CCDC144A: variants seen among roughly 807,000 people sequenced by gnomAD.
The protein encoded by CCDC144A is coiled-coil domain-containing protein 144A.
Under a neutral mutation model 143.8 loss-of-function variants are expected in CCDC144A, and 41 were observed. That is an observed-to-expected ratio of 0.29 (90% CI 0.22 to 0.37). CCDC144A has a LOEUF of 0.37. CCDC144A is among the 10% of genes least tolerant of loss of function. The pLI is 1.00. For missense variants in CCDC144A, 637 were observed against 1,488.8 expected (o/e 0.43, Z 9.41); for synonymous variants, 242 against 517.9 (o/e 0.47, Z 7.23).
At position 16,690,378 on chromosome 17, in the gene CCDC144A, GC is replaced by G; in HGVS notation, c.-21del. 1 of 1,490,600 alleles carries G rather than the reference GC, an allele frequency of 6.7e-7. No homozygotes were observed. The highest frequency in any genetic ancestry group is 2.3e-5 in the East Asian group (1 of 43,094). 92.3% of individuals were successfully genotyped at this position (1,490,600 alleles called of 1,614,324 possible). On this transcript the variant is annotated 5_prime_UTR_variant, in exon 1 of 17. Coordinates refer to ENST00000399273, the MANE Select transcript of CCDC144A (RefSeq NM_001382000.1). Reference sequence around the variant, plus strand: ...CGGGCTATCCTGCTGGGAGGTTGTGGCCGAGGCAGTAGCTCGCTACTGATGG... The same window carrying G: ...CGGGCTATCCTGCTGGGAGGTTGTGGCGAGGCAGTAGCTCGCTACTGATGG...
intron 4 of CCDC144A, among the ~76,000 whole-genome samples, chr17:16,708,185 A>T (rs1229472839): frequency 1.3e-5 from 2 of 152,222 alleles, no homozygotes; most frequent in Non-Finnish European, 2.9e-5. Context: ...AGGGGACCAT[A>T]GTATATATTA....
chr17:16,753,953 T>A (rs1195037925), intron 12 of CCDC144A, among the ~76,000 whole-genome samples: 1 of 152,266 alleles, frequency 6.6e-6, no homozygotes, highest in Non-Finnish European at 1.5e-5. Context: ...CAGAGTAACT[T>A]ACCCAGTTTT....
intron 6 of CCDC144A, among the ~76,000 whole-genome samples, chr17:16,719,068 G>C (rs1239747113): frequency 6.6e-6 from 1 of 150,942 alleles, no homozygotes; most frequent in African/African-American, 2.5e-5. Context: ...CTGACCTCGT[G>C]ATCCATCCAC....
chr17:16,757,716 A>C (rs1316970459), intron 12 of CCDC144A, among the ~76,000 whole-genome samples: 5 of 152,248 alleles, frequency 3.3e-5, no homozygotes, highest in Admixed American at 2.6e-4. Context: ...TATGCACAGC[A>C]CTGCCCCTGA....
In CCDC144A at chr17:16,724,787, ATTTTTTTTTTTTTTTTTTTT is replaced by A. The variant is rs760344292; in HGVS notation, c.1892-2723_1892-2704del. Among the ~76,000 whole-genome samples the A allele has an allele frequency of 3.2e-3, 114 of 35,114 alleles. 1 individual carries two copies. Among genetic ancestry groups the A allele is most frequent in the Admixed American group, 4.8e-3 (10 of 2,094 alleles). 23.0% of individuals were successfully genotyped at this position (35,114 alleles called of 152,430 possible). A position where few individuals can be genotyped will look rare whatever the true frequency, so the allele number is the denominator to read the frequency against. ...AGATTACACGTTCTTGATTAACTGA[ATTTTTTTTTTTTTTTTTTTT>A]TTTTTTTTTTTTTTTTGGTATTTTT... On this transcript the variant is annotated intron_variant, in intron 8 of 16. Transcript: ENST00000399273.
intron 3 of CCDC144A, chr17:16,706,006 C>A (rs1443548816): frequency 1.3e-5 from 2 of 153,382 alleles, no homozygotes; most frequent in African/African-American, 2.4e-5. Flanking sequence ...TCGCTGGAAC[C>A]CAGAAGGTGG....
At chr17:16,683,885 G>T in the CCDC144A span, 4 of 1,345,652 alleles carry the variant, frequency 3.0e-6, no homozygotes, top group East Asian at 9.2e-5. Flanking sequence ...CGTCGTCTAC[G>T]CTGATGGCTG....
upstream of CCDC144A, among the ~76,000 whole-genome samples, chr17:16,684,896 A>G (rs1910726468): frequency 1.3e-5 from 2 of 152,286 alleles, no homozygotes; most frequent in East Asian, 3.9e-4. Context: ...GGGGAGGTCG[A>G]GGTTGCAGTG....
chr17:16,736,131 A>G (rs1173161584), intron 12 of CCDC144A, among the ~76,000 whole-genome samples: 1 of 151,308 alleles, frequency 6.6e-6, no homozygotes, highest in Non-Finnish European at 1.5e-5. Context: ...AATGTATTTA[A>G]GTTGGTATAA....
intron 5 of CCDC144A, chr17:16,710,418 C>T (rs1912341897): frequency 1.3e-5 from 2 of 152,062 alleles, no homozygotes; most frequent in Non-Finnish European, 2.9e-5. Context: ...CTGAGAGCTG[C>T]AGCAAATATT....
intron 8 of CCDC144A, among the ~76,000 whole-genome samples, chr17:16,722,323 G>C (rs952309278): frequency 6.6e-6 from 1 of 152,100 alleles, no homozygotes; most frequent in African/African-American, 2.4e-5. Context: ...CATTGGATTT[G>C]ATTTGCCAAA....
At chr17:16,690,810 C>G (rs1440200949) in intron 1 of CCDC144A, 66 bp downstream of exon 1, 1 of 1,504,764 alleles carries the variant, frequency 6.6e-7, no homozygotes, top group African/African-American at 1.4e-5. Context: ...CCGCAGGCCC[C>G]ACGGCACCCG....
At chr17:16,688,399 A>G (rs1175311746), upstream of CCDC144A, among the ~76,000 whole-genome samples, 2 of 152,072 alleles carry the variant, frequency 1.3e-5, no homozygotes, top group Non-Finnish European at 2.9e-5. Context: ...CGTGTGACTA[A>G]ATGCCAACTG....
chr17:16,753,346 T>C (rs1027236679), intron 12 of CCDC144A, among the ~76,000 whole-genome samples: 310 of 152,108 alleles, frequency 2.0e-3, no homozygotes, highest in African/African-American at 7.2e-3. Flanking sequence ...TAAGGTCATT[T>C]AACCAATATT....
chr17:16,759,549 C>T (rs552041310), intron 12 of CCDC144A, among the ~76,000 whole-genome samples: 268 of 151,398 alleles, frequency 1.8e-3, no homozygotes, highest in African/African-American at 5.9e-3. Flanking sequence ...TTACTTTCAG[C>T]GGCTGTGTAG....
Position 16,709,641 on chromosome 17 carries a change from G to A in CCDC144A, c.1578+6G>A, listed in dbSNP as rs763430123. 9.9e-6 allele frequency: 16 copies of A among 1,609,252 alleles called. No homozygotes were observed. The highest frequency in any genetic ancestry group is 8.5e-6 in the Non-Finnish European group (10 of 1,179,132). On this transcript the variant is annotated splice_donor_region_variant and intron_variant, in intron 5 of 16. Coordinates refer to ENST00000399273, the MANE Select transcript of CCDC144A (RefSeq NM_001382000.1). ...ATGTTCAACTTCATAAAGATGTAGG[G>A]TTTTACTTGCTGCCACTCTTTGTTT...
chr17:16,691,439 A>T (rs1911064648), intron 1 of CCDC144A, among the ~76,000 whole-genome samples: 1 of 152,094 alleles, frequency 6.6e-6, no homozygotes, highest in African/African-American at 2.4e-5. Flanking sequence ...GCTAAGTCTC[A>T]TCCATGACTC....
At position 16,690,597 on chromosome 17, in the gene CCDC144A, A is replaced by G; in HGVS notation, c.197A>G (p.Glu66Gly). Reference sequence around the variant, plus strand: ...GTCGGCAGCGAGAGCAAGCACGGTGAGGGCGCCTTAGACCAGCCCCAGCAC... The same window carrying G: ...GTCGGCAGCGAGAGCAAGCACGGTGGGGGCGCCTTAGACCAGCCCCAGCAC... ...NSVGSESKHGEGALDQPQHDV... is the reference protein window; with the variant it reads ...NSVGSESKHGGGALDQPQHDV... Residue 66 changes from glutamate (E) to glycine (G), a missense_variant, in exon 1 of 17, where the codon GAG becomes GGG. By Grantham distance (98) the Glu-to-Gly change is moderately conservative. Transcript: ENST00000399273. The G allele has an allele frequency of 6.2e-7, 1 of 1,613,664 alleles. No individual in the cohort carries two copies. Among genetic ancestry groups the G allele is most frequent in the Non-Finnish European group, 8.5e-7 (1 of 1,179,854 alleles).
At position 16,773,627 on chromosome 17, in the gene CCDC144A, A is replaced by G. The variant is rs766517762; in HGVS notation, c.4272A>G (p.Ile1424Met). 10 of 1,520,812 alleles carry G rather than the reference A, an allele frequency of 6.6e-6. 1 individual carries two copies. The South Asian group carries it at 1.3e-4, about 20-fold the overall frequency. 94.2% of individuals were successfully genotyped at this position (1,520,812 alleles called of 1,614,324 possible). A position where few individuals can be genotyped will look rare whatever the true frequency, so the allele number is the denominator to read the frequency against. Residue 1424 changes from isoleucine to methionine, a missense_variant, in exon 17 of 17, where the codon ATA (isoleucine) becomes ATG (methionine). By Grantham distance (10) the Ile-to-Met change is conservative. Coordinates refer to ENST00000399273, the MANE Select transcript of CCDC144A (RefSeq NM_001382000.1). ...EYAQILRRKY[I>M]L ...CACAGATTTTAAGAAGAAAATACAT[A>G]CTCTGAAAGATAAGGCAATTTTATT...
Sources: gnomAD v4.1 joint callset for allele counts (sites outside exome capture counted in the v4.1 genomes callset) on GRCh38, gnomAD v4.1.1 for gene constraint, MANE v1.5 for transcripts, NCBI Gene and HGNC (gene_info 2026-07-23, HGNC 2026-07-21) for gene names.